ELAVL2: variants seen among roughly 807,000 people sequenced by gnomAD.
ELAVL2 encodes the protein ELAV-like protein 2.
Under a neutral mutation model 34.6 loss-of-function variants are expected in ELAVL2, and 4 were observed. The ratio of observed to expected loss-of-function variants is 0.12; its 90% CI spans 0.06 to 0.26. The LOEUF (loss-of-function observed/expected upper bound fraction) is 0.26. Among genes scored for constraint, ELAVL2 ranks in the 10% least tolerant of loss-of-function variants. The pLI, the probability that ELAVL2 is intolerant of heterozygous loss-of-function variation, is 1.00. For synonymous variants in ELAVL2, 193 were observed against 154.8 expected, an observed-to-expected ratio of 1.25 and a Z score of -1.83; for missense variants, 432 against 442.8, an observed-to-expected ratio of 0.98 and a Z score of 0.22.
intron 2 of ELAVL2, among the ~76,000 whole-genome samples, chr9:23,751,758 C>G (rs2052108359): frequency 6.6e-6 from 1 of 152,172 alleles, no homozygotes; most frequent in African/African-American, 2.4e-5. Flanking sequence ...TAATAGCTCA[C>G]TGGAAAGCTC....
chr9:23,761,169 A>G (rs1408710046), intron 2 of ELAVL2, among the ~76,000 whole-genome samples: 1 of 152,092 alleles, frequency 6.6e-6, no homozygotes, highest in African/African-American at 2.4e-5. Flanking sequence ...TTGTAAAGCA[A>G]TTTGGTATAC....
chr9:23,808,583 G>C (rs2062557084), intron 1 of ELAVL2, among the ~76,000 whole-genome samples: 2 of 152,202 alleles, frequency 1.3e-5, no homozygotes, highest in South Asian at 2.1e-4. Context: ...CAGGAGGCCA[G>C]ACACAATAAA....
intron 1 of ELAVL2, among the ~76,000 whole-genome samples, chr9:23,804,657 C>T (rs996316949): frequency 4.6e-5 from 7 of 152,206 alleles, no homozygotes; most frequent in East Asian, 1.9e-4. Context: ...TTTTTAATTA[C>T]GCTAGTCACT....
At chr9:23,728,347 A>G (rs2045754274) in intron 3 of ELAVL2, among the ~76,000 whole-genome samples, 1 of 152,138 alleles carries the variant, frequency 6.6e-6, no homozygotes, top group Admixed American at 6.6e-5. Flanking sequence ...CAGTTAAACT[A>G]AAAATGAGTG....
At chr9:23,789,466 G>C (rs1480116573) in intron 1 of ELAVL2, among the ~76,000 whole-genome samples, 1 of 152,190 alleles carries the variant, frequency 6.6e-6, no homozygotes, top group African/African-American at 2.4e-5. Context: ...TGAGGAAACA[G>C]TTCAAAATAG....
intron 2 of ELAVL2, among the ~76,000 whole-genome samples, chr9:23,733,412 C>G (rs1341999282): frequency 6.6e-6 from 1 of 152,026 alleles, no homozygotes; most frequent in Non-Finnish European, 1.5e-5. Flanking sequence ...TTTTAAAATC[C>G]TGGTGACTAA....
chr9:23,789,789 A>G (rs1199151662), intron 1 of ELAVL2, among the ~76,000 whole-genome samples: 2 of 152,116 alleles, frequency 1.3e-5, no homozygotes, highest in Non-Finnish European at 2.9e-5. Context: ...CCAGAGGAAA[A>G]CAGTATGGTT....
chr9:23,720,196 G>C (rs1328274534), intron 3 of ELAVL2, among the ~76,000 whole-genome samples: 1 of 149,686 alleles, frequency 6.7e-6, no homozygotes, highest in African/African-American at 2.5e-5. Flanking sequence ...TTTTGAGACA[G>C]AATCTCCCTC....
At chr9:23,734,525 A>C (rs1014456097) in intron 2 of ELAVL2, among the ~76,000 whole-genome samples, 1 of 152,166 alleles carries the variant, frequency 6.6e-6, no homozygotes, top group Non-Finnish European at 1.5e-5. Context: ...TTTATACCTG[A>C]ACTGAGACTT....
rs1194014564 is a variant in ELAVL2, at chr9:23,692,470, A to G, written c.*87T>C. The G allele has an allele frequency of 2.9e-6, 4 of 1,377,342 alleles. No homozygotes were observed. The African/African-American group carries it at 5.8e-5, about 20-fold the overall frequency. 85.3% of individuals were successfully genotyped at this position (1,377,342 alleles called of 1,614,324 possible). On this transcript the variant is annotated 3_prime_UTR_variant, in exon 7 of 7. Transcript: ENST00000397312. ...TATCCCCATCTCAACACTGACTTAC[A>G]AAGACATTTACTAATGTATAAAGTT... is the stretch of plus-strand genomic sequence containing the variant.
chr9:23,771,781 T>C (rs142229258), intron 1 of ELAVL2, among the ~76,000 whole-genome samples: 12 of 152,320 alleles, frequency 7.9e-5, no homozygotes, highest in Non-Finnish European at 1.5e-4. Flanking sequence ...AAGTCACATT[T>C]TGTAAAATGG....
At chr9:23,724,925 T>G (rs1275690815) in intron 3 of ELAVL2, among the ~76,000 whole-genome samples, 2 of 152,144 alleles carry the variant, frequency 1.3e-5, no homozygotes, top group Admixed American at 1.3e-4. Flanking sequence ...ATCTCATAAG[T>G]AGGTCAGTTA....
At chr9:23,850,128 G>A in the ELAVL2 span, among the ~76,000 whole-genome samples, 1 of 151,726 alleles carries the variant, frequency 6.6e-6, no homozygotes. Flanking sequence ...GGTGGAAAAA[G>A]CCAAACTAAC....
At chr9:23,831,816 G>A in the ELAVL2 span, among the ~76,000 whole-genome samples, 1 of 151,442 alleles carries the variant, frequency 6.6e-6, no homozygotes, top group Non-Finnish European at 1.5e-5. Context: ...AAAAAAAAAT[G>A]TAGTGGGAGG....
At chr9:23,694,904 C>A (rs190987234) in intron 5 of ELAVL2, among the ~76,000 whole-genome samples, 180 of 152,206 alleles carry the variant, frequency 1.2e-3, no homozygotes, top group African/African-American at 4.3e-3. Flanking sequence ...TGACCCACCA[C>A]CCTCTCATTG....
intron 3 of ELAVL2, among the ~76,000 whole-genome samples, chr9:23,719,683 C>T (rs574941057): frequency 1.2e-4 from 19 of 152,160 alleles, no homozygotes; most frequent in African/African-American, 4.1e-4. Context: ...TGTGTGGAAG[C>T]TCTTATAATA....
intron 2 of ELAVL2, among the ~76,000 whole-genome samples, chr9:23,757,279 C>T (rs2053798759): frequency 1.3e-5 from 2 of 152,106 alleles, no homozygotes; most frequent in African/African-American, 2.4e-5. Flanking sequence ...ACACATCTCT[C>T]TATAAATTCA....
At chr9:23,806,043 T>C (rs1022478241) in intron 1 of ELAVL2, among the ~76,000 whole-genome samples, 2 of 152,052 alleles carry the variant, frequency 1.3e-5, no homozygotes, top group Admixed American at 6.6e-5. Flanking sequence ...TATTCACAGG[T>C]ATGGATGAAA....
intron 3 of ELAVL2, among the ~76,000 whole-genome samples, chr9:23,715,833 A>AAGC (rs1232010299): frequency 6.6e-6 from 1 of 152,136 alleles, no homozygotes; most frequent in Non-Finnish European, 1.5e-5. Flanking sequence ...TGGCATAAAT[A>AAGC]AACTGCAGGT....
Sources: gnomAD v4.1 joint callset for allele counts (sites outside exome capture counted in the v4.1 genomes callset) on GRCh38, gnomAD v4.1.1 for gene constraint, MANE v1.5 for transcripts, NCBI Gene and HGNC (gene_info 2026-07-23, HGNC 2026-07-21) for gene names.